The following ZSCAN22 variants were observed in gnomAD, a reference collection of about 807,000 sequenced individuals.
ZSCAN22 encodes zinc finger and SCAN domain-containing protein 22.
Under a neutral mutation model 12.4 loss-of-function variants are expected in ZSCAN22, and 7 were observed. That is an observed-to-expected ratio of 0.57 (90% CI 0.32 to 1.06). The LOEUF is 1.06. Ranked by LOEUF, ZSCAN22 falls within the 50% of genes least tolerant of loss-of-function variation. The pLI, the probability that ZSCAN22 is intolerant of heterozygous loss-of-function variation, is 0.04. For missense variants in ZSCAN22, 576 were observed against 631.7 expected (o/e 0.91, Z 0.94); for synonymous variants, 243 against 255.9 (o/e 0.95, Z 0.48).
intron 1 of ZSCAN22, among the ~76,000 whole-genome samples, chr19:58,330,239 A>G (rs58807256): frequency 0.1 from 15,681 of 152,158 alleles, 1,287 homozygotes; most frequent in African/African-American, 0.21. Context: ...GCAGTGAGCC[A>G]AGATTGCGCC....
At position 58,335,207 on chromosome 19, in the gene ZSCAN22, TA is replaced by T; in HGVS notation, c.403+5del. The T allele has an allele frequency of 6.3e-7, 1 of 1,578,738 alleles. No homozygotes were observed. The highest frequency in any genetic ancestry group is 8.6e-7 in the Non-Finnish European group (1 of 1,161,260). On this transcript the variant is annotated splice_donor_region_variant and intron_variant, in intron 2 of 2. Coordinates refer to ENST00000329665, the MANE Select transcript of ZSCAN22 (RefSeq NM_181846.3). The surrounding 1 kb of genome is among the most constrained non-coding windows in gnomAD (Gnocchi z 4.1). The stretch of plus-strand genomic sequence containing the variant: ...TGACTCAGGTGCTGGACAAGAGAGG[TA>T]AAGGGGCGCCGTGGGCAGCTTCACG...
At chr19:58,334,603 A>G (rs966468094) in intron 1 of ZSCAN22, 149 bp from the exon 2 acceptor site, 2 of 605,910 alleles carry the variant, frequency 3.3e-6, no homozygotes, top group Non-Finnish European at 2.8e-6. Flanking sequence ...CTCAGCACCA[A>G]GTGGGTGCTG....
chr19:58,330,823 A>G (rs1387454826), intron 1 of ZSCAN22, among the ~76,000 whole-genome samples: 2 of 152,150 alleles, frequency 1.3e-5, no homozygotes, highest in African/African-American at 4.8e-5. Flanking sequence ...TAATTATCTT[A>G]TCATGTGTTG....
At position 58,339,467 on chromosome 19, in the gene ZSCAN22, G is replaced by C; in HGVS notation, c.*141G>C. The C allele has an allele frequency of 5.2e-6, 4 of 774,760 alleles. No individual in the cohort carries two copies. The highest frequency in any genetic ancestry group is 2.9e-5 in the Admixed American group (1 of 34,188). 48.0% of individuals were successfully genotyped at this position (774,760 alleles called of 1,614,324 possible). On this transcript the variant is annotated 3_prime_UTR_variant, in exon 3 of 3. Transcript: ENST00000329665. This position sits in a 1 kb window ranked among gnomAD's most constrained non-coding sequence, Gnocchi z 5.6. ...ATGATAGGTGCCTGAGGGCAGACTC[G>C]GGCTGTCTAGGAACCACTCTGCATT...
At chr19:58,332,527 G>A (rs2051740177) in intron 1 of ZSCAN22, among the ~76,000 whole-genome samples, 1 of 151,900 alleles carries the variant, frequency 6.6e-6, no homozygotes, top group African/African-American at 2.4e-5. Flanking sequence ...TACCCACCTC[G>A]GCCTCCCAAA....
chr19:58,327,999 G>A (rs1219073632), intron 1 of ZSCAN22, among the ~76,000 whole-genome samples: 6 of 152,034 alleles, frequency 3.9e-5, no homozygotes, highest in African/African-American at 1.2e-4. Flanking sequence ...TACAGGCACC[G>A]GCCACCACAC....
intron 1 of ZSCAN22, among the ~76,000 whole-genome samples, chr19:58,327,704 T>G (rs1323120280): frequency 6.6e-6 from 1 of 152,168 alleles, no homozygotes; most frequent in African/African-American, 2.4e-5. Flanking sequence ...TGAGACTTCC[T>G]ACGTGGGTTG....
In ZSCAN22 at chr19:58,339,463, A is replaced by T; in HGVS notation, c.*137A>T. The T allele has an allele frequency of 1.2e-6, 1 of 814,012 alleles. No individual in the cohort carries two copies. 50.4% of individuals were successfully genotyped at this position (814,012 alleles called of 1,614,324 possible). A position where few individuals can be genotyped will look rare whatever the true frequency, so the allele number is the denominator to read the frequency against. ...CAAAATGATAGGTGCCTGAGGGCAG[A>T]CTCGGGCTGTCTAGGAACCACTCTG... On this transcript the variant is annotated 3_prime_UTR_variant, in exon 3 of 3. Transcript: ENST00000329665. The surrounding 1 kb of genome is among the most constrained non-coding windows in gnomAD (Gnocchi z 5.6).
At position 58,335,001 on chromosome 19, in the gene ZSCAN22, C is replaced by G. The variant is rs1369677837; in HGVS notation, c.199C>G (p.Leu67Val). 6.2e-7 allele frequency: 1 copy of G among 1,614,008 alleles called. No individual in the cohort carries two copies. The highest frequency in any genetic ancestry group is 1.3e-5 in the African/African-American group (1 of 74,948). The change falls in exon 2 of 3, where the codon CTG becomes GTG. Residue 67 changes from leucine (L) to valine (V), a missense_variant. Transcript: ENST00000329665. The surrounding 1 kb of genome is among the most constrained non-coding windows in gnomAD (Gnocchi z 4.1). Reference sequence around the variant, plus strand: ...GGAGGCATCTGGTCCACACGAGGCCCTGGCCCACCTCCGAGCGCTGTGCTG... The same window carrying G: ...GGAGGCATCTGGTCCACACGAGGCCGTGGCCCACCTCCGAGCGCTGTGCTG... ...YEEASGPHEA[L>V]AHLRALCCQW...
intron 1 of ZSCAN22, among the ~76,000 whole-genome samples, chr19:58,328,834 C>A (rs2051687545): frequency 6.6e-6 from 1 of 152,196 alleles, no homozygotes; most frequent in South Asian, 2.1e-4. Context: ...TCTTGGGTAA[C>A]CATGCTCAGC....
intron 1 of ZSCAN22, among the ~76,000 whole-genome samples, chr19:58,332,410 A>T (rs1025290118): frequency 6.7e-6 from 1 of 148,700 alleles, no homozygotes; most frequent in Non-Finnish European, 1.5e-5. Flanking sequence ...AGTAGTTGGG[A>T]TTACAGGTGC....
intron 1 of ZSCAN22, among the ~76,000 whole-genome samples, chr19:58,334,478 G>C (rs2051766210): frequency 6.6e-6 from 1 of 152,196 alleles, no homozygotes; most frequent in African/African-American, 2.4e-5. Flanking sequence ...CACCACGTCT[G>C]GCTAATTTGT....
At position 58,339,087 on chromosome 19, in the gene ZSCAN22, T is replaced by C; in HGVS notation, c.1237T>C (p.Cys413Arg). 6.2e-7 allele frequency: 1 copy of C among 1,614,248 alleles called. No homozygotes were observed. Residue 413 changes from cysteine to arginine, a missense_variant, in exon 3 of 3, where the codon TGT becomes CGT. Coordinates refer to ENST00000329665, the MANE Select transcript of ZSCAN22 (RefSeq NM_181846.3). The surrounding 1 kb of genome is among the most constrained non-coding windows in gnomAD (Gnocchi z 5.6). ...TGEKPYKCDA[C>R]GRAFSDCSAL... ...GGAGAAGCCCTACAAGTGTGACGCG[T>C]GTGGCCGAGCCTTCAGCGACTGCTC...
rs1454990521 is a variant in ZSCAN22, at chr19:58,335,367, G to T, written c.403+162G>T. 2.0e-5 allele frequency among the ~76,000 whole-genome samples: 3 copies of T among 152,216 alleles called. No homozygotes were observed. Among genetic ancestry groups the T allele is most frequent in the Non-Finnish European group, 2.9e-5 (2 of 68,038 alleles). On this transcript the variant is annotated intron_variant, in intron 2 of 2. Coordinates refer to ENST00000329665, the MANE Select transcript of ZSCAN22 (RefSeq NM_181846.3). The surrounding 1 kb of genome is among the most constrained non-coding windows in gnomAD (Gnocchi z 4.1). ...TGTTGTAGACAGGTGTGTTTTGGTTGCAGGTGACCAAAAGCGAGCTGAAAT... is the reference window on the plus strand; with the variant it reads ...TGTTGTAGACAGGTGTGTTTTGGTTTCAGGTGACCAAAAGCGAGCTGAAAT...
rs1033894543 is a variant in ZSCAN22, at chr19:58,327,058, C to T, written c.-108C>T. The T allele has an allele frequency of 2.0e-5, 3 of 152,804 alleles. No homozygotes were observed. The highest frequency in any genetic ancestry group is 1.3e-4 in the Admixed American group (2 of 15,278). 9.5% of individuals were successfully genotyped at this position (152,804 alleles called of 1,614,324 possible). A position where few individuals can be genotyped will look rare whatever the true frequency, so the allele number is the denominator to read the frequency against. On this transcript the variant is annotated 5_prime_UTR_variant, in exon 1 of 3. Coordinates refer to ENST00000329665, the MANE Select transcript of ZSCAN22 (RefSeq NM_181846.3). ...GCTGTGGTCCGGGTCGGCGGGCGCG[C>T]AAGTTGGCTAGTCTCTGCGGCCACC...
At chr19:58,331,309 CG>C (rs1384120238) in intron 1 of ZSCAN22, among the ~76,000 whole-genome samples, 1 of 150,946 alleles carries the variant, frequency 6.6e-6, no homozygotes, top group Non-Finnish European at 1.5e-5. Context: ...CTCCACCTCC[CG>C]GGTTCAAGCA....
rs940633021 is a variant in ZSCAN22, at chr19:58,330,058, G to A, written c.-52+2944G>A. 5.3e-4 allele frequency among the ~76,000 whole-genome samples: 80 copies of A among 152,352 alleles called. 1 individual carries two copies. The highest frequency in any genetic ancestry group is 3.4e-3 in the Middle Eastern group (1 of 294). On this transcript the variant is annotated intron_variant, in intron 1 of 2. Coordinates refer to ENST00000329665, the MANE Select transcript of ZSCAN22 (RefSeq NM_181846.3). Reference sequence around the variant, plus strand: ...AATCCCAGCAATTTGGGAGGCTGAGGTGGGCGGAACATGAGGTCAGGAGAT... The same window carrying A: ...AATCCCAGCAATTTGGGAGGCTGAGATGGGCGGAACATGAGGTCAGGAGAT...
intron 1 of ZSCAN22, among the ~76,000 whole-genome samples, chr19:58,331,321 A>G (rs1434214186): frequency 5.3e-5 from 8 of 150,518 alleles, no homozygotes; most frequent in African/African-American, 2.0e-4. Context: ...GGTTCAAGCA[A>G]TTCTCCTGTC....
intron 1 of ZSCAN22, among the ~76,000 whole-genome samples, chr19:58,330,574 C>T (rs59119314): frequency 0.1 from 15,671 of 152,182 alleles, 1,284 homozygotes; most frequent in African/African-American, 0.21. Flanking sequence ...GAGGAAAGAT[C>T]GCAGATAGCC....
Sources: allele counts gnomAD v4.1 joint callset (sites outside exome capture counted in the v4.1 genomes callset), GRCh38; gene constraint gnomAD v4.1.1; non-coding constraint Gnocchi (gnomAD v3.1); transcripts MANE v1.5; gene names NCBI Gene and HGNC (gene_info 2026-07-23, HGNC 2026-07-21).